The following TMC1 variants were observed in gnomAD, a reference collection of about 807,000 sequenced individuals.
TMC1 encodes the protein transmembrane channel-like protein 1.
A neutral mutation model predicts 105.8 loss-of-function variants in TMC1; 84 were observed. That is an observed-to-expected ratio of 0.79 (90% CI 0.67 to 0.95). The LOEUF (loss-of-function observed/expected upper bound fraction) is 0.95, where lower values mean the gene tolerates loss of function less well. TMC1 is among the 40% of genes least tolerant of loss of function. The pLI is 0.00. For synonymous variants in TMC1, 315 were observed against 311.5 expected, an observed-to-expected ratio of 1.01 and a Z score of -0.12; for missense variants, 817 against 914.1, an observed-to-expected ratio of 0.89 and a Z score of 1.37.
intron 5 of TMC1, chr9:72,655,810 T>A (rs1825875343): frequency 3.1e-6 from 2 of 641,110 alleles, no homozygotes; most frequent in Admixed American, 4.6e-5. Flanking sequence ...CAACTGGTAA[T>A]TAATTTATTA....
chr9:72,734,706 T>G (rs975731055), intron 8 of TMC1, among the ~76,000 whole-genome samples: 137 of 152,200 alleles, frequency 9.0e-4, no homozygotes, highest in African/African-American at 3.1e-3. Flanking sequence ...TTTTCATTCT[T>G]CTGGTCCCTT....
At chr9:72,697,264 A>G (rs996518563) in intron 7 of TMC1, among the ~76,000 whole-genome samples, 2 of 152,172 alleles carry the variant, frequency 1.3e-5, no homozygotes, top group Non-Finnish European at 2.9e-5. Flanking sequence ...TTATTTACCC[A>G]GCTCTACTTT....
chr9:72,774,880 T>C (rs1827982945), intron 13 of TMC1, among the ~76,000 whole-genome samples: 1 of 152,216 alleles, frequency 6.6e-6, no homozygotes, highest in Non-Finnish European at 1.5e-5. Flanking sequence ...GGAATAAGTT[T>C]GAGCGGATTT....
chr9:72,528,499 G>A (rs1182036143), intron 1 of TMC1, among the ~76,000 whole-genome samples: 2 of 151,858 alleles, frequency 1.3e-5, no homozygotes, highest in African/African-American at 2.4e-5. Context: ...CATGCCTGGC[G>A]AATTTTGTAT....
At position 72,718,950 on chromosome 9, in the gene TMC1, C is replaced by T. The variant is rs185922698; in HGVS notation, c.362+18307C>T. ...TATGTTCCCAGGAGGATTATGGCTG[C>T]CTCTGCTGTGTCATGCAGGTTGTCA... On this transcript the variant is annotated intron_variant, in intron 8 of 23. Coordinates refer to ENST00000297784, the MANE Select transcript of TMC1 (RefSeq NM_138691.3). 3.5e-3 allele frequency among the ~76,000 whole-genome samples: 534 copies of T among 152,224 alleles called. 2 individuals carry two copies. The highest frequency in any genetic ancestry group is 6.3e-3 in the Non-Finnish European group (426 of 68,022).
At chr9:72,794,823 G>A (rs1828335514) in intron 17 of TMC1, among the ~76,000 whole-genome samples, 1 of 152,178 alleles carries the variant, frequency 6.6e-6, no homozygotes, top group African/African-American at 2.4e-5. Context: ...GGAGAGGAAT[G>A]AAGATCATTG....
At chr9:72,532,905 T>C (rs1156498968) in intron 1 of TMC1, among the ~76,000 whole-genome samples, 1 of 152,240 alleles carries the variant, frequency 6.6e-6, no homozygotes, top group Non-Finnish European at 1.5e-5. Flanking sequence ...AATGACCTTA[T>C]GGCTCTGAAT....
intron 13 of TMC1, among the ~76,000 whole-genome samples, chr9:72,786,704 C>G (rs1246975715): frequency 6.6e-6 from 1 of 152,178 alleles, no homozygotes; most frequent in Non-Finnish European, 1.5e-5. Context: ...GTGTTGCAAG[C>G]AGGTTTGCCT....
intron 17 of TMC1, among the ~76,000 whole-genome samples, chr9:72,793,646 C>T (rs1398551455): frequency 2.6e-5 from 4 of 152,178 alleles, no homozygotes; most frequent in African/African-American, 9.7e-5. Flanking sequence ...GATGGAGCTT[C>T]CAGAGGTGGG....
chr9:72,560,283 A>T (rs114166603), intron 1 of TMC1, among the ~76,000 whole-genome samples: 1,873 of 152,320 alleles, frequency 0.012, 44 homozygotes, highest in African/African-American at 0.042. Context: ...TTACACAGGT[A>T]TCTGATTGCT....
In TMC1 at chr9:72,553,885, G is replaced by T. The variant is rs140079845; in HGVS notation, c.-427-24017G>T. ...TTCTTGAAACTGCCTAAGTACTGGC[G>T]TCTCCCTACGACTATTATATCTGAA... On this transcript the variant is annotated intron_variant, in intron 1 of 23. Coordinates refer to ENST00000297784, the MANE Select transcript of TMC1 (RefSeq NM_138691.3). Among the ~76,000 whole-genome samples, 504 of 152,164 alleles carry T rather than the reference G, an allele frequency of 3.3e-3. 7 individuals are homozygous for T. The highest frequency in any genetic ancestry group is 0.011 in the African/African-American group (458 of 41,510).
chr9:72,666,867 TA>T (rs1826052032), intron 5 of TMC1, among the ~76,000 whole-genome samples: 1 of 150,416 alleles, frequency 6.6e-6, no homozygotes, highest in Admixed American at 6.7e-5. Context: ...CTGGGCAGCA[TA>T]GGGAAATCCC....
At chr9:72,791,162 C>T (rs1828260521) in intron 15 of TMC1, among the ~76,000 whole-genome samples, 1 of 151,970 alleles carries the variant, frequency 6.6e-6, no homozygotes, top group Non-Finnish European at 1.5e-5. Context: ...CACATGTTTC[C>T]TACTTTTCAT....
intron 4 of TMC1, among the ~76,000 whole-genome samples, chr9:72,643,689 A>G (rs1825663796): frequency 6.6e-6 from 1 of 152,180 alleles, no homozygotes; most frequent in South Asian, 2.1e-4. Flanking sequence ...CAATTTATTC[A>G]TTTGTGAATG....
At chr9:72,834,196 ATTC>A (rs1414522410) in intron 23 of TMC1, among the ~76,000 whole-genome samples, 1 of 151,108 alleles carries the variant, frequency 6.6e-6, no homozygotes, top group Non-Finnish European at 1.5e-5. Flanking sequence ...TTGTTCTTTA[ATTC>A]TTCTTTTTTA....
At chr9:72,564,842 C>T (rs774452621) in intron 1 of TMC1, among the ~76,000 whole-genome samples, 2 of 152,144 alleles carry the variant, frequency 1.3e-5, no homozygotes, top group African/African-American at 2.4e-5. Context: ...TGGAACTGGG[C>T]AGAACTTACC....
intron 8 of TMC1, among the ~76,000 whole-genome samples, chr9:72,720,163 G>A (rs979831676): frequency 6.6e-6 from 1 of 152,144 alleles, no homozygotes; most frequent in African/African-American, 2.4e-5. Context: ...CTGAAACTCT[G>A]AGAGGATAAA....
intron 12 of TMC1, among the ~76,000 whole-genome samples, chr9:72,759,788 GT>G (rs1472837457): frequency 2.0e-5 from 3 of 152,148 alleles, no homozygotes; most frequent in African/African-American, 7.2e-5. Flanking sequence ...GAAATTTTGA[GT>G]TACTGAAGCA....
At chr9:72,655,845 A>G (rs558143019) in intron 5 of TMC1, 33 of 752,642 alleles carry the variant, frequency 4.4e-5, no homozygotes, top group South Asian at 3.5e-4. Context: ...TACGTCTACA[A>G]TGGTGACTTC....
Sources: allele counts gnomAD v4.1 joint callset (sites outside exome capture counted in the v4.1 genomes callset), GRCh38; gene constraint gnomAD v4.1.1; transcripts MANE v1.5; gene names NCBI Gene and HGNC (gene_info 2026-07-23, HGNC 2026-07-21).